Variants in GABRB1 observed in about 807,000 individuals in gnomAD.
GABRB1 encodes gamma-aminobutyric acid type A receptor subunit beta1.
Under a neutral mutation model 51.6 loss-of-function variants are expected in GABRB1, and 17 were observed. The ratio of observed to expected loss-of-function variants is 0.33; its 90% CI spans 0.23 to 0.49. The LOEUF is 0.49. GABRB1 is among the 20% of genes least tolerant of loss of function. The pLI is 0.99. For synonymous variants in GABRB1, 247 were observed against 218.9 expected, an observed-to-expected ratio of 1.13 and a Z score of -1.14; for missense variants, 410 against 600.6, an observed-to-expected ratio of 0.68 and a Z score of 3.32.
At chr4:47,113,104 G>A (rs748981573) in intron 3 of GABRB1, among the ~76,000 whole-genome samples, 1 of 152,062 alleles carries the variant, frequency 6.6e-6, no homozygotes, top group African/African-American at 2.4e-5. Flanking sequence ...AAAAAATCAG[G>A]GCCGGGTGCA....
At chr4:47,124,849 C>T (rs1716041901) in intron 3 of GABRB1, among the ~76,000 whole-genome samples, 1 of 151,854 alleles carries the variant, frequency 6.6e-6, no homozygotes, top group South Asian at 2.1e-4. Flanking sequence ...AAGGAAAGAC[C>T]ACAGGATTTA....
At chr4:47,354,976 C>CTTTGTTTTTT (rs1478503930) in intron 5 of GABRB1, among the ~76,000 whole-genome samples, 4 of 82,472 alleles carry the variant, frequency 4.9e-5, no homozygotes, top group Non-Finnish European at 7.9e-5. Context: ...TTCTTTCTTC[C>CTTTGTTTTTT]TTTGTTTTTT....
At chr4:47,143,153 C>T (rs755058091) in intron 3 of GABRB1, among the ~76,000 whole-genome samples, 1 of 151,744 alleles carries the variant, frequency 6.6e-6, no homozygotes, top group Admixed American at 6.6e-5. Context: ...TATGATACTA[C>T]GGAATAAGAA....
chr4:47,376,033 G>A (rs1402396373), intron 5 of GABRB1, among the ~76,000 whole-genome samples: 5 of 152,134 alleles, frequency 3.3e-5, no homozygotes, highest in Non-Finnish European at 7.4e-5. Context: ...AACATGTTAA[G>A]TTTGAATCTC....
intron 3 of GABRB1, among the ~76,000 whole-genome samples, chr4:47,150,183 ACACAC>A (rs1423333278): frequency 2.6e-4 from 1 of 3,808 alleles, no homozygotes; most frequent in African/African-American, 1.2e-3. Context: ...CACACACACA[ACACAC>A]ACACACACAC....
intron 3 of GABRB1, among the ~76,000 whole-genome samples, chr4:47,153,604 G>A (rs904423431): frequency 5.3e-5 from 8 of 152,050 alleles, no homozygotes; most frequent in African/African-American, 1.7e-4. Flanking sequence ...CATGCCATGC[G>A]GTTCATTTTA....
chr4:47,226,276 C>A (rs1157977442), intron 4 of GABRB1, among the ~76,000 whole-genome samples: 2 of 152,046 alleles, frequency 1.3e-5, no homozygotes, highest in African/African-American at 4.8e-5. Context: ...ATATGAAGTG[C>A]AAGATGGTGA....
intron 5 of GABRB1, among the ~76,000 whole-genome samples, chr4:47,397,370 G>A (rs1284809619): frequency 6.6e-6 from 1 of 152,136 alleles, no homozygotes; most frequent in Non-Finnish European, 1.5e-5. Context: ...GATTTCTTAA[G>A]CTATCTTTTC....
At chr4:47,140,496 T>G (rs975705832) in intron 3 of GABRB1, among the ~76,000 whole-genome samples, 21 of 151,906 alleles carry the variant, frequency 1.4e-4, no homozygotes, top group Non-Finnish European at 1.6e-4. Flanking sequence ...TTTTTGTATC[T>G]GAAAAAAGGA....
At chr4:47,077,979 A>ATTTT (rs1560523738) in intron 3 of GABRB1, among the ~76,000 whole-genome samples, 20 of 37,890 alleles carry the variant, frequency 5.3e-4, no homozygotes, top group African/African-American at 1.7e-3. Flanking sequence ...TTTTATATAT[A>ATTTT]ATATATAATA....
intron 5 of GABRB1, among the ~76,000 whole-genome samples, chr4:47,382,345 T>C (rs559219026): frequency 6.6e-6 from 1 of 152,100 alleles, no homozygotes; most frequent in Non-Finnish European, 1.5e-5. Context: ...CAACCAAAAA[T>C]AGACATTGCC....
chr4:47,166,863 T>C (rs1168842258), intron 4 of GABRB1, among the ~76,000 whole-genome samples: 1 of 152,090 alleles, frequency 6.6e-6, no homozygotes, highest in Non-Finnish European at 1.5e-5. Context: ...TGCTTCAAAG[T>C]CTCCCTCAAA....
intron 1 of GABRB1, among the ~76,000 whole-genome samples, chr4:47,026,261 C>T (rs1725090733): frequency 6.6e-6 from 1 of 151,912 alleles, no homozygotes; most frequent in South Asian, 2.1e-4. Context: ...CTTATTGTTG[C>T]ATAGTTCTAA....
chr4:47,356,673 T>C (rs1726589773), intron 5 of GABRB1, among the ~76,000 whole-genome samples: 1 of 152,160 alleles, frequency 6.6e-6, no homozygotes, highest in Admixed American at 6.5e-5. Flanking sequence ...TTAATAGAAA[T>C]GGCTTGGAAG....
At chr4:47,386,293 A>G (rs1234684239) in intron 5 of GABRB1, among the ~76,000 whole-genome samples, 1 of 152,208 alleles carries the variant, frequency 6.6e-6, no homozygotes, top group African/African-American at 2.4e-5. Flanking sequence ...TGTGTCAGGA[A>G]TGAGGGACAA....
chr4:47,288,468 T>A lies in GABRB1; in HGVS notation c.462-31659T>A, dbSNP rs570883507. 9.9e-5 allele frequency among the ~76,000 whole-genome samples: 15 copies of A among 152,132 alleles called. 1 individual carries two copies. The South Asian group carries it at 2.9e-3, about 30-fold the overall frequency. On this transcript the variant is annotated intron_variant, in intron 4 of 8. Coordinates refer to ENST00000295454, the MANE Select transcript of GABRB1 (RefSeq NM_000812.4). Reference sequence around the variant, plus strand: ...TAGTAGAGACTGGGTTTCACCACATTAGCCAGGATGGTCTTGATTTCCTGA... The same window carrying A: ...TAGTAGAGACTGGGTTTCACCACATAAGCCAGGATGGTCTTGATTTCCTGA...
chr4:47,361,088 C>T (rs1333391994), intron 5 of GABRB1, among the ~76,000 whole-genome samples: 3 of 152,048 alleles, frequency 2.0e-5, no homozygotes, highest in African/African-American at 7.2e-5. Context: ...GTTAATTTGG[C>T]TCCAGGTAAC....
chr4:47,404,768 C>T (rs568283607), intron 7 of GABRB1, among the ~76,000 whole-genome samples: 1 of 152,248 alleles, frequency 6.6e-6, no homozygotes, highest in Admixed American at 6.5e-5. Context: ...TGCATCTGCA[C>T]ATATTACTTG....
intron 4 of GABRB1, among the ~76,000 whole-genome samples, chr4:47,227,499 G>A (rs1194637556): frequency 6.6e-6 from 1 of 152,142 alleles, no homozygotes; most frequent in African/African-American, 2.4e-5. Context: ...GAAGGAGGAA[G>A]AATTAGATAG....
Sources: allele counts gnomAD v4.1 joint callset (sites outside exome capture counted in the v4.1 genomes callset), GRCh38; gene constraint gnomAD v4.1.1; transcripts MANE v1.5; gene names NCBI Gene and HGNC (gene_info 2026-07-23, HGNC 2026-07-21).